The following FOCAD variants were observed in gnomAD, a reference collection of about 807,000 sequenced individuals.
FOCAD encodes the protein focadhesin.
A neutral mutation model predicts 225.6 loss-of-function variants in FOCAD; 198 were observed. The observed-to-expected ratio is 0.88, with a 90% confidence interval of 0.78 to 0.99. The LOEUF is 0.99. FOCAD is among the 50% of genes least tolerant of loss of function. FOCAD has a pLI of 0.00. For missense variants in FOCAD, 2,713 were observed against 2,123.6 expected (o/e 1.28, Z -5.46); for synonymous variants, 897 against 755.0 (o/e 1.19, Z -3.08).
At chr9:20,703,929 A>G (rs1332312) in intron 1 of FOCAD, among the ~76,000 whole-genome samples, 63,035 of 152,092 alleles carry the variant, frequency 0.41, 13,260 homozygotes, top group East Asian at 0.49. Context: ...ATCCAGGTCT[A>G]TGGTTCCCTC....
At chr9:20,808,928 A>G (rs1247513698) in intron 11 of FOCAD, among the ~76,000 whole-genome samples, 2 of 152,218 alleles carry the variant, frequency 1.3e-5, no homozygotes, top group East Asian at 1.9e-4. Flanking sequence ...AATCTGTAAC[A>G]TATAATAGTA....
At chr9:20,845,973 T>C (rs1827063950) in intron 15 of FOCAD, among the ~76,000 whole-genome samples, 1 of 152,076 alleles carries the variant, frequency 6.6e-6, no homozygotes, top group Non-Finnish European at 1.5e-5. Flanking sequence ...ATCTCAAATG[T>C]TTATTATGAG....
At chr9:20,950,911 G>A (rs1010002313) in intron 33 of FOCAD, 85 bp from the exon 34 acceptor site, 3 of 1,153,030 alleles carry the variant, frequency 2.6e-6, no homozygotes, top group Non-Finnish European at 3.9e-6. Flanking sequence ...CCTCCTAAAT[G>A]ACTGGTGACT....
At chr9:20,731,992 G>A (rs1004999019) in intron 4 of FOCAD, among the ~76,000 whole-genome samples, 2 of 152,104 alleles carry the variant, frequency 1.3e-5, no homozygotes, top group Admixed American at 1.3e-4. Context: ...TGCAAGATGT[G>A]CAGGTGTGTT....
chr9:20,768,386 G>A (rs1404265317), intron 7 of FOCAD, among the ~76,000 whole-genome samples: 4 of 152,068 alleles, frequency 2.6e-5, no homozygotes, highest in Non-Finnish European at 5.9e-5. Context: ...AGCTTGCTGG[G>A]GATGGCATTG....
At chr9:20,866,281 C>T (rs1003919900) in intron 17 of FOCAD, among the ~76,000 whole-genome samples, 8 of 151,930 alleles carry the variant, frequency 5.3e-5, no homozygotes, top group Non-Finnish European at 8.8e-5. Flanking sequence ...GCCCCTTCCC[C>T]ACCAACAAGC....
At chr9:20,755,543 G>C (rs1375069929) in intron 5 of FOCAD, among the ~76,000 whole-genome samples, 5 of 152,020 alleles carry the variant, frequency 3.3e-5, no homozygotes, top group African/African-American at 1.2e-4. Context: ...TTTTTTGGTG[G>C]GGTGTGAAGG....
chr9:20,831,872 C>T (rs1404383028), intron 15 of FOCAD, among the ~76,000 whole-genome samples: 2 of 152,090 alleles, frequency 1.3e-5, no homozygotes, highest in Non-Finnish European at 2.9e-5. Flanking sequence ...CCATACCTCC[C>T]TGCTTTAGGG....
At chr9:20,758,527 C>T (rs539330046) in intron 6 of FOCAD, among the ~76,000 whole-genome samples, 635 of 148,548 alleles carry the variant, frequency 4.3e-3, no homozygotes, top group Non-Finnish European at 7.5e-3. Context: ...CCCCCAACCC[C>T]ACAACAGTCC....
chr9:20,761,291 G>C (rs1333074261), intron 6 of FOCAD, among the ~76,000 whole-genome samples: 1 of 152,056 alleles, frequency 6.6e-6, no homozygotes, highest in Non-Finnish European at 1.5e-5. Flanking sequence ...TTTTAGGCTG[G>C]GTTACTTTAA....
chr9:20,969,540 A>T (rs1470505071), intron 35 of FOCAD, among the ~76,000 whole-genome samples: 4 of 152,064 alleles, frequency 2.6e-5, no homozygotes, highest in Admixed American at 2.0e-4. Flanking sequence ...AACATATAAA[A>T]ATTCTGCTCT....
intron 4 of FOCAD, among the ~76,000 whole-genome samples, chr9:20,733,560 T>C (rs1826888574): frequency 6.6e-6 from 1 of 152,090 alleles, no homozygotes; most frequent in African/African-American, 2.4e-5. Flanking sequence ...CCTGTGTCCA[T>C]GTGATCTCAT....
At chr9:20,977,840 A>G (rs1295005653) in intron 36 of FOCAD, among the ~76,000 whole-genome samples, 2 of 152,162 alleles carry the variant, frequency 1.3e-5, no homozygotes, top group African/African-American at 2.4e-5. Context: ...TTGGTGTGCT[A>G]TATTGAAATG....
intron 15 of FOCAD, among the ~76,000 whole-genome samples, chr9:20,825,607 G>A (rs1020285182): frequency 6.6e-6 from 1 of 152,064 alleles, no homozygotes; most frequent in Non-Finnish European, 1.5e-5. Context: ...AAATACCTTA[G>A]TTGGAAAAGT....
chr9:20,697,868 A>AT (rs1264780913), intron 1 of FOCAD, among the ~76,000 whole-genome samples: 3 of 152,234 alleles, frequency 2.0e-5, no homozygotes, highest in Non-Finnish European at 4.4e-5. Flanking sequence ...GTGCAGATGG[A>AT]TTAATCTCCT....
intron 11 of FOCAD, among the ~76,000 whole-genome samples, chr9:20,803,598 T>C (rs2151003): frequency 0.4 from 60,646 of 151,894 alleles, 12,399 homozygotes; most frequent in East Asian, 0.52. Context: ...AAATCTCTTA[T>C]GATAGGGCTG....
At chr9:20,717,904 A>G in intron 3 of FOCAD, 36 bp downstream of exon 3, 2 of 1,525,264 alleles carry the variant, frequency 1.3e-6, no homozygotes, top group South Asian at 1.1e-5. Flanking sequence ...TTCTCTTCAG[A>G]TAAGATTGCT....
rs1029281549 is a variant in FOCAD, at chr9:20,790,287, A to T, written c.1455+679A>T. ...TTCTCCAATTGATAGAATCTCTAGA[A>T]TGCATTTCCTATAAAGGAAAGGTTT... On this transcript the variant is annotated intron_variant, in intron 11 of 43. Coordinates refer to ENST00000338382, the MANE Select transcript of FOCAD (RefSeq NM_001375567.1). 7.2e-5 allele frequency among the ~76,000 whole-genome samples: 11 copies of T among 152,326 alleles called. No homozygotes were observed. In the East Asian group the frequency reaches 9.6e-4, roughly 13 times the overall value.
At chr9:20,689,221 G>A (rs766873176) in intron 1 of FOCAD, among the ~76,000 whole-genome samples, 3 of 152,176 alleles carry the variant, frequency 2.0e-5, no homozygotes, top group Non-Finnish European at 2.9e-5. Flanking sequence ...TGCAGATGGC[G>A]TGTAGGGTTT....
Sources: gnomAD v4.1 joint callset for allele counts (sites outside exome capture counted in the v4.1 genomes callset) on GRCh38, gnomAD v4.1.1 for gene constraint, MANE v1.5 for transcripts, NCBI Gene and HGNC (gene_info 2026-07-23, HGNC 2026-07-21) for gene names.